The following TENT5D variants were observed in gnomAD, a reference collection of about 807,000 sequenced individuals.
TENT5D encodes the protein cancer/testis antigen 112.
For synonymous variants in TENT5D, 103 were observed against 100.6 expected (o/e 1.02, Z -0.15); for missense variants, 191 against 287.0 (o/e 0.67, Z 2.42).
At chrX:80,411,845 C>T (rs751885635) in intron 3 of TENT5D, among the ~76,000 whole-genome samples, 47 of 111,731 alleles carry the variant, frequency 4.2e-4, no homozygotes, top group South Asian at 1.1e-3. Context: ...TACGGCTTTT[C>T]GAGGCACATG....
At chrX:80,376,316 A>T (rs1307682067) in intron 3 of TENT5D, among the ~76,000 whole-genome samples, 1 of 111,700 alleles carries the variant, frequency 9.0e-6, no homozygotes, top group Non-Finnish European at 1.9e-5. Context: ...ATAATTCGTT[A>T]ATAGTATATA....
At chrX:80,427,498 C>T (rs1318210442) in intron 1 of TENT5D, among the ~76,000 whole-genome samples, 1 of 112,302 alleles carries the variant, frequency 8.9e-6, no homozygotes, top group Non-Finnish European at 1.9e-5. Context: ...ATTAAAGTCA[C>T]ATGAACTGAA....
intron 1 of TENT5D, among the ~76,000 whole-genome samples, chrX:80,423,379 T>G (rs1931925475): frequency 8.9e-6 from 1 of 111,742 alleles, no homozygotes; most frequent in Non-Finnish European, 1.9e-5. Context: ...AAGTGAAAGT[T>G]TAATAAGCAA....
chrX:80,410,941 G>C (rs1430789113), intron 3 of TENT5D, among the ~76,000 whole-genome samples: 1 of 106,598 alleles, frequency 9.4e-6, no homozygotes, highest in Non-Finnish European at 1.9e-5. Context: ...CATGTCCTTT[G>C]TAGGGACATG....
intron 3 of TENT5D, among the ~76,000 whole-genome samples, chrX:80,358,834 G>T (rs1406941380): frequency 2.7e-5 from 3 of 111,892 alleles, no homozygotes; most frequent in African/African-American, 9.7e-5. Flanking sequence ...TGTTAACTTT[G>T]CAGCACTGGC....
intron 1 of TENT5D, among the ~76,000 whole-genome samples, chrX:80,432,734 C>G (rs1932111019): frequency 9.0e-6 from 1 of 110,849 alleles, no homozygotes; most frequent in Non-Finnish European, 1.9e-5. Flanking sequence ...TTAAGGAGCG[C>G]AGAAACAAGG....
At chrX:80,345,697 T>A (rs1930044719) in intron 3 of TENT5D, among the ~76,000 whole-genome samples, 1 of 111,906 alleles carries the variant, frequency 8.9e-6, no homozygotes, top group Non-Finnish European at 1.9e-5. Flanking sequence ...GAAACTAGGA[T>A]ATCCATTTAT....
intron 3 of TENT5D, among the ~76,000 whole-genome samples, chrX:80,392,418 A>T (rs1254956501): frequency 1.9e-5 from 2 of 105,554 alleles, no homozygotes; most frequent in Non-Finnish European, 3.9e-5. Context: ...ATTGAAGACC[A>T]TTCTTAATGG....
chrX:80,373,325 A>G (rs1930663969), intron 3 of TENT5D, among the ~76,000 whole-genome samples: 1 of 111,325 alleles, frequency 9.0e-6, no homozygotes, highest in African/African-American at 3.3e-5. Context: ...GGATCTTGGC[A>G]TTCAGGATCA....
chrX:80,382,523 A>G (rs1434142657), intron 3 of TENT5D, among the ~76,000 whole-genome samples: 1 of 112,074 alleles, frequency 8.9e-6, no homozygotes, highest in African/African-American at 3.2e-5. Flanking sequence ...CACTGCTGTC[A>G]GACAGGTACG....
intron 2 of TENT5D, among the ~76,000 whole-genome samples, chrX:80,338,519 A>T (rs1044950112): frequency 8.9e-6 from 1 of 112,555 alleles, no homozygotes; most frequent in Non-Finnish European, 1.9e-5. Flanking sequence ...ATGATTAATT[A>T]TGCTTAGTTC....
chrX:80,409,654 T>G (rs1419500701), intron 3 of TENT5D, among the ~76,000 whole-genome samples: 3 of 111,157 alleles, frequency 2.7e-5, no homozygotes, highest in African/African-American at 3.3e-5. Flanking sequence ...TCAATATCAT[T>G]AAAATGGCCA....
chrX:80,342,863 TATG>T (rs1246936921), intron 3 of TENT5D, among the ~76,000 whole-genome samples: 1 of 112,030 alleles, frequency 8.9e-6, no homozygotes, highest in Non-Finnish European at 1.9e-5. Flanking sequence ...TTCTCTATTA[TATG>T]ATTTCTGCTT....
At chrX:80,361,390 A>C (rs1315695573) in intron 3 of TENT5D, among the ~76,000 whole-genome samples, 1 of 112,498 alleles carries the variant, frequency 8.9e-6, no homozygotes, top group Non-Finnish European at 1.9e-5. Context: ...AGTATTTGCT[A>C]ATTCAGTGTT....
intron 3 of TENT5D, among the ~76,000 whole-genome samples, chrX:80,378,746 T>G (rs747615251): frequency 2.7e-5 from 3 of 111,701 alleles, no homozygotes; most frequent in African/African-American, 9.7e-5. Flanking sequence ...GGCTTAGGAT[T>G]GTCTTTGCAA....
At chrX:80,395,529 T>C (rs1931223521) in intron 3 of TENT5D, among the ~76,000 whole-genome samples, 3 of 111,949 alleles carry the variant, frequency 2.7e-5, no homozygotes. Flanking sequence ...ACACTTGTAA[T>C]TTTTTGTCTC....
chrX:80,376,984 A>G (rs1930740688), intron 3 of TENT5D, among the ~76,000 whole-genome samples: 1 of 111,183 alleles, frequency 9.0e-6, no homozygotes, highest in African/African-American at 3.3e-5. Context: ...AATGACTATT[A>G]TAGGGGCTGC....
chrX:80,431,828 A>G (rs1932094504), intron 1 of TENT5D, among the ~76,000 whole-genome samples: 1 of 111,601 alleles, frequency 9.0e-6, no homozygotes, highest in African/African-American at 3.3e-5. Flanking sequence ...CAACTTTTTC[A>G]TAGAAAAGTA....
intron 3 of TENT5D, among the ~76,000 whole-genome samples, chrX:80,408,299 T>C (rs1420141562): frequency 1.9e-5 from 2 of 106,789 alleles, no homozygotes; most frequent in East Asian, 3.0e-4. Context: ...TTCAAAAAAT[T>C]AATGAATCCA....
Sources: allele counts gnomAD v4.1 joint callset (sites outside exome capture counted in the v4.1 genomes callset), GRCh38; gene constraint gnomAD v4.1.1; transcripts MANE v1.5; gene names NCBI Gene and HGNC (gene_info 2026-07-23, HGNC 2026-07-21).